AFF3: variants seen among roughly 807,000 people sequenced by gnomAD.
The protein encoded by AFF3 is AF4/FMR2 family member 3.
AFF3 carries 32 observed loss-of-function variants against 129.7 expected under a neutral mutation model. The ratio of observed to expected loss-of-function variants is 0.25; its 90% CI spans 0.19 to 0.33. The LOEUF is 0.33. Among genes scored for constraint, AFF3 ranks in the 10% least tolerant of loss-of-function variants. The pLI is 1.00. For missense variants in AFF3, 1,373 were observed against 1,592.0 expected (o/e 0.86, Z 2.34); for synonymous variants, 644 against 635.4 (o/e 1.01, Z -0.20).
intron 7 of AFF3, among the ~76,000 whole-genome samples, chr2:99,977,741 C>T (rs59876342): frequency 0.013 from 1,989 of 152,268 alleles, 53 homozygotes; most frequent in African/African-American, 0.046. Context: ...CTAGGGGACA[C>T]ACAAGGAGCT....
intron 8 of AFF3, among the ~76,000 whole-genome samples, chr2:99,774,502 T>A (rs1683736027): frequency 6.6e-6 from 1 of 152,194 alleles, no homozygotes; most frequent in South Asian, 2.1e-4. Flanking sequence ...AAGGATTCCC[T>A]ATTTAATAAA....
chr2:99,742,183 C>T (rs1234120687), intron 10 of AFF3, among the ~76,000 whole-genome samples: 1 of 151,952 alleles, frequency 6.6e-6, no homozygotes, highest in Non-Finnish European at 1.5e-5. Context: ...TAGTGAAATG[C>T]TGTCTATAAG....
intron 7 of AFF3, among the ~76,000 whole-genome samples, chr2:99,852,691 A>T (rs1690237650): frequency 6.6e-6 from 1 of 152,232 alleles, no homozygotes; most frequent in African/African-American, 2.4e-5. Context: ...ACAATTTTAG[A>T]TAGTGACAAG....
intron 8 of AFF3, among the ~76,000 whole-genome samples, chr2:99,776,413 G>A (rs1683906480): frequency 6.6e-6 from 1 of 152,190 alleles, no homozygotes; most frequent in African/African-American, 2.4e-5. Flanking sequence ...AATGCTTCAG[G>A]TTGGCAGAAG....
At chr2:99,999,343 C>T (rs1043619149) in intron 7 of AFF3, among the ~76,000 whole-genome samples, 7 of 152,192 alleles carry the variant, frequency 4.6e-5, no homozygotes, top group Admixed American at 1.3e-4. Flanking sequence ...GGCCCCAACA[C>T]GGGAAGGCCC....
chr2:99,736,418 T>C (rs1244310216), intron 10 of AFF3, among the ~76,000 whole-genome samples: 1 of 152,170 alleles, frequency 6.6e-6, no homozygotes, highest in Admixed American at 6.5e-5. Context: ...AATAAACATA[T>C]CATGCTTTTT....
At chr2:99,595,536 C>T (rs963696103) in intron 14 of AFF3, among the ~76,000 whole-genome samples, 2 of 151,476 alleles carry the variant, frequency 1.3e-5, no homozygotes, top group African/African-American at 4.9e-5. Flanking sequence ...TGGTTTAACA[C>T]AATAAATAAA....
intron 7 of AFF3, among the ~76,000 whole-genome samples, chr2:99,937,586 A>G (rs1207283844): frequency 1.3e-5 from 2 of 152,042 alleles, no homozygotes; most frequent in African/African-American, 2.4e-5. Flanking sequence ...TTTAGTAGAG[A>G]CGGGGTTTTA....
At chr2:99,819,445 T>C (rs1052546851) in intron 8 of AFF3, among the ~76,000 whole-genome samples, 1 of 152,232 alleles carries the variant, frequency 6.6e-6, no homozygotes, top group Admixed American at 6.5e-5. Context: ...TCTGGAAATA[T>C]TCAGTTATTT....
At chr2:99,999,989 G>A (rs905850522) in intron 7 of AFF3, among the ~76,000 whole-genome samples, 23 of 152,132 alleles carry the variant, frequency 1.5e-4, no homozygotes, top group Admixed American at 4.6e-4. Flanking sequence ...CATGGTCAAC[G>A]GGTGCTTGCC....
chr2:99,583,628 G>A (rs1191595879), intron 16 of AFF3, among the ~76,000 whole-genome samples: 3 of 152,100 alleles, frequency 2.0e-5, no homozygotes, highest in South Asian at 2.1e-4. Flanking sequence ...AAGGTGCCTC[G>A]GCCTCCCAAA....
chr2:99,996,527 ATTTTT>A lies in AFF3; in HGVS notation c.873+10100_873+10104del, dbSNP rs756231548. On this transcript the variant is annotated intron_variant, in intron 7 of 24. Transcript: ENST00000672756. Reference sequence around the variant, plus strand: ...AGGCACCTGCCACCACGCCCGGCTAATTTTTTTTTTTTTTTTTTTTTTTTTTGTAT... The same window carrying A: ...AGGCACCTGCCACCACGCCCGGCTAATTTTTTTTTTTTTTTTTTTTTGTAT... Among the ~76,000 whole-genome samples the A allele has an allele frequency of 7.0e-3, 802 of 114,072 alleles. 3 individuals carry two copies. The highest frequency in any genetic ancestry group is 0.03 in the African/African-American group (757 of 25,506). The allele number at this position is 114,072 out of a possible 152,430, so 74.8% of individuals were successfully genotyped here.
chr2:99,850,736 G>A (rs1277035315), intron 7 of AFF3, among the ~76,000 whole-genome samples: 1 of 151,976 alleles, frequency 6.6e-6, no homozygotes, highest in Admixed American at 6.6e-5. Context: ...GTATTTTCTG[G>A]GTTAGTGTAG....
chr2:99,652,006 A>T (rs1454310167), intron 12 of AFF3, among the ~76,000 whole-genome samples: 1 of 152,156 alleles, frequency 6.6e-6, no homozygotes, highest in African/African-American at 2.4e-5. Context: ...TAACATGGAC[A>T]TGAAAGATTA....
At chr2:99,682,105 C>T (rs1378476507) in intron 11 of AFF3, among the ~76,000 whole-genome samples, 2 of 151,912 alleles carry the variant, frequency 1.3e-5, no homozygotes, top group African/African-American at 4.8e-5. Context: ...CAGGGTTTTG[C>T]CATGTTGACC....
intron 11 of AFF3, among the ~76,000 whole-genome samples, chr2:99,710,795 T>G (rs781111545): frequency 6.6e-6 from 1 of 152,180 alleles, no homozygotes; most frequent in Non-Finnish European, 1.5e-5. Context: ...CGGTAGAACC[T>G]TGGAGGCAGA....
chr2:100,104,975 C>T (rs968797101), intron 3 of AFF3: 1 of 151,340 alleles, frequency 6.6e-6, no homozygotes, highest in African/African-American at 2.5e-5. Flanking sequence ...TCCCGCGGCG[C>T]TCGCAGGCCG....
intron 7 of AFF3, among the ~76,000 whole-genome samples, chr2:99,946,156 T>C (rs1439147071): frequency 1.3e-5 from 2 of 152,002 alleles, no homozygotes; most frequent in Non-Finnish European, 2.9e-5. Context: ...AGAGACCACA[T>C]AGGCAGTAAC....
At chr2:99,786,250 C>T (rs950498414) in intron 8 of AFF3, among the ~76,000 whole-genome samples, 2 of 152,174 alleles carry the variant, frequency 1.3e-5, no homozygotes, top group Non-Finnish European at 2.9e-5. Context: ...TCAGTTTCCT[C>T]ATCTGTAAAT....
Sources: gnomAD v4.1 joint callset for allele counts (sites outside exome capture counted in the v4.1 genomes callset) on GRCh38, gnomAD v4.1.1 for gene constraint, MANE v1.5 for transcripts, NCBI Gene and HGNC (gene_info 2026-07-23, HGNC 2026-07-21) for gene names.